TSPEAR: variants seen among roughly 807,000 people sequenced by gnomAD.
TSPEAR encodes thrombospondin-type laminin G domain and EAR repeat-containing protein.
In TSPEAR, 69 loss-of-function variants were observed where a neutral mutation model predicts 71.6. The observed-to-expected ratio is 0.96, with a 90% confidence interval of 0.79 to 1.18. The LOEUF (loss-of-function observed/expected upper bound fraction) is 1.18. Among genes scored for constraint, TSPEAR ranks in the 50% most tolerant of loss-of-function variants. The probability of loss-of-function intolerance (pLI) is 0.00; values close to 1 mark genes in which losing one functional copy is unlikely to be tolerated. For missense variants in TSPEAR, 971 were observed against 894.9 expected (o/e 1.09, Z -1.09); for synonymous variants, 402 against 387.2 (o/e 1.04, Z -0.45).
rs2051988685 is a variant in TSPEAR, at chr21:44,499,699, AC to A, written c.*83del. The A allele has an allele frequency of 5.4e-5, 76 of 1,411,044 alleles. No homozygotes were observed. In the South Asian group the frequency reaches 1.1e-3, roughly 20 times the overall value. 87.4% of individuals were successfully genotyped at this position (1,411,044 alleles called of 1,614,324 possible). A position where few individuals can be genotyped will look rare whatever the true frequency, so the allele number is the denominator to read the frequency against. On this transcript the variant is annotated 3_prime_UTR_variant, in exon 12 of 12. Coordinates refer to ENST00000323084, the MANE Select transcript of TSPEAR (RefSeq NM_144991.3). ...GCCCGGGATGCCCTAGGCTGGGCCC[AC>A]CTGGACGTCCAGGGTCAGTTGGGGG...
At chr21:44,632,299 T>C (rs1246794063) in intron 1 of TSPEAR, among the ~76,000 whole-genome samples, 2 of 152,178 alleles carry the variant, frequency 1.3e-5, no homozygotes, top group East Asian at 3.8e-4. Context: ...CCAATTTCTC[T>C]TCAAAAACCA....
intron 1 of TSPEAR, chr21:44,697,087 C>G: frequency 6.7e-7 from 1 of 1,500,202 alleles, no homozygotes; most frequent in Non-Finnish European, 9.0e-7. Flanking sequence ...TCCCTCCCTC[C>G]TGCCCATCCA....
At chr21:44,535,481 G>A (rs587614661) in intron 2 of TSPEAR, among the ~76,000 whole-genome samples, 79 of 152,364 alleles carry the variant, frequency 5.2e-4, no homozygotes, top group African/African-American at 1.9e-3. Flanking sequence ...GCCAGAGCCT[G>A]TTTCAGTTGA....
At chr21:44,542,565 T>C (rs1408438426) in intron 2 of TSPEAR, among the ~76,000 whole-genome samples, 1 of 151,536 alleles carries the variant, frequency 6.6e-6, no homozygotes, top group Non-Finnish European at 1.5e-5. Context: ...CAGGACAATA[T>C]AGCAAAACCC....
At chr21:44,524,578 A>G (rs1555914694) in intron 8 of TSPEAR, among the ~76,000 whole-genome samples, 3 of 149,966 alleles carry the variant, frequency 2.0e-5, no homozygotes. Flanking sequence ...TAGTCAGTCA[A>G]TCAGTTAGTC....
At chr21:44,555,880 C>T (rs587754799) in intron 2 of TSPEAR, among the ~76,000 whole-genome samples, 1 of 152,316 alleles carries the variant, frequency 6.6e-6, no homozygotes, top group African/African-American at 2.4e-5. Context: ...GTCCTTCTGT[C>T]CTGGAAGCCT....
intron 1 of TSPEAR, among the ~76,000 whole-genome samples, chr21:44,604,768 G>T (rs1303493008): frequency 6.6e-6 from 1 of 152,156 alleles, no homozygotes; most frequent in Non-Finnish European, 1.5e-5. Context: ...TCTCTTCTAT[G>T]TCTATTTTCT....
rs201289628 is a variant in TSPEAR at position 44,647,230 on chromosome 21, G to A, written c.82+64203C>T. The A allele has an allele frequency of 5.1e-5, 82 of 1,605,240 alleles. No homozygotes were observed. The highest frequency in any genetic ancestry group is 6.7e-5 in the Non-Finnish European group (79 of 1,175,268). Reference sequence around the variant, plus strand: ...CTGTGTGCCCGTCTCCTCCTGCTGTGCCCCCACCTCCTCCTGCCAGTCCAG... The same window carrying A: ...CTGTGTGCCCGTCTCCTCCTGCTGTACCCCCACCTCCTCCTGCCAGTCCAG... On this transcript the variant is annotated intron_variant, in intron 1 of 11. Coordinates refer to ENST00000323084, the MANE Select transcript of TSPEAR (RefSeq NM_144991.3).
rs1315363649 is a variant in TSPEAR at position 44,499,932 on chromosome 21, G to C, written c.1861C>G (p.Gln621Glu). The C allele has an allele frequency of 8.7e-6, 14 of 1,604,682 alleles. No individual in the cohort carries two copies. Among genetic ancestry groups the C allele is most frequent in the African/African-American group, 1.3e-5 (1 of 74,394 alleles). The change falls in exon 12 of 12, where the codon CAG becomes GAG. Residue 621 changes from glutamine (Q) to glutamate (E), a missense_variant. Physicochemically the swap from Gln to Glu is conservative, Grantham distance 29. Coordinates refer to ENST00000323084, the MANE Select transcript of TSPEAR (RefSeq NM_144991.3). ...FSVNSIIYRW[Q>E]GYEGFVAVHS... ...ACCGCCACGAAGCCCTCGTAGCCCT[G>C]CCACCTGCGGAACAGACAGCGGCAG...
Position 44,612,680 on chromosome 21 carries a change from C to T in TSPEAR, c.83-44675G>A. The T allele has an allele frequency of 6.2e-7, 1 of 1,614,078 alleles. No homozygotes were observed. The highest frequency in any genetic ancestry group is 1.7e-5 in the Admixed American group (1 of 60,024). On this transcript the variant is annotated intron_variant, in intron 1 of 11. Transcript: ENST00000323084. The surrounding 1 kb of genome is among the most constrained non-coding windows in gnomAD (Gnocchi z 4.1). The stretch of plus-strand genomic sequence containing the variant: ...TCTGTGCTGCCAGAAGTCTAGCTGC[C>T]AGCCGGCTTGCTGCACCACCTCCTG...
At chr21:44,530,399 CCATCCACCCATCCATT>C in intron 4 of TSPEAR, among the ~76,000 whole-genome samples, 2 of 152,136 alleles carry the variant, frequency 1.3e-5, no homozygotes, top group South Asian at 4.2e-4. Context: ...ATCCATCCCT[CCATCCACCCATCCATT>C]CATCCATCCA....
At chr21:44,637,931 T>A in intron 1 of TSPEAR, 1 of 1,613,040 alleles carries the variant, frequency 6.2e-7, no homozygotes, top group Admixed American at 1.7e-5. Context: ...CTGCCAGCAG[T>A]CTAGCTGCCA....
At chr21:44,533,451 G>A (rs1425557748) in intron 3 of TSPEAR, among the ~76,000 whole-genome samples, 1 of 149,610 alleles carries the variant, frequency 6.7e-6, no homozygotes, top group Non-Finnish European at 1.5e-5. Flanking sequence ...GCCCCTGGTC[G>A]GCTCCTGCCT....
rs768451367 is a variant in TSPEAR, at chr21:44,620,198, A to C, written c.83-52193T>G. ...GGCACAGGGGTGGGGAGCACCCAAC[A>C]ACCAAAAAGACGTCTTCATCTGGCA... On this transcript the variant is annotated intron_variant, in intron 1 of 11. Coordinates refer to ENST00000323084, the MANE Select transcript of TSPEAR (RefSeq NM_144991.3). 1.2e-3 allele frequency among the ~76,000 whole-genome samples: 184 copies of C among 152,368 alleles called. 1 individual carries two copies. Among genetic ancestry groups the C allele is most frequent in the Non-Finnish European group, 2.4e-3 (163 of 68,032 alleles).
intron 1 of TSPEAR, among the ~76,000 whole-genome samples, chr21:44,597,591 C>G (rs1333114345): frequency 6.6e-6 from 1 of 152,040 alleles, no homozygotes; most frequent in Non-Finnish European, 1.5e-5. Flanking sequence ...CACCACCATG[C>G]CCGGCTAATT....
intron 1 of TSPEAR, among the ~76,000 whole-genome samples, chr21:44,654,812 C>T (rs1985039584): frequency 6.6e-6 from 1 of 151,090 alleles, no homozygotes; most frequent in African/African-American, 2.4e-5. Flanking sequence ...GTTCAGGAAA[C>T]TCTTTCAGCT....
chr21:44,626,044 C>T (rs1555934243), intron 1 of TSPEAR, among the ~76,000 whole-genome samples: 8 of 152,294 alleles, frequency 5.3e-5, no homozygotes, highest in Non-Finnish European at 1.5e-5. Flanking sequence ...AGAATGTTAG[C>T]ATTATTTTTA....
chr21:44,538,948 A>G (rs1260741618), intron 2 of TSPEAR: 4 of 436,520 alleles, frequency 9.2e-6, no homozygotes, highest in African/African-American at 3.9e-5. Flanking sequence ...GCTCAAAACC[A>G]TGTGTCCCCC....
Position 44,533,405 on chromosome 21 carries a change from G to A in TSPEAR, c.542+280C>T, listed in dbSNP as rs57647031. Among the ~76,000 whole-genome samples the A allele has an allele frequency of 0.02, 3,036 of 151,780 alleles. 85 individuals are homozygous for A. The highest frequency in any genetic ancestry group is 0.058 in the African/African-American group (2,388 of 41,410). ...TTGCCCCCTGGTCGGCTCCTGCCCCGTGGATGGCTCCTGCCCCTCCACCCC... is the reference window on the plus strand; with the variant it reads ...TTGCCCCCTGGTCGGCTCCTGCCCCATGGATGGCTCCTGCCCCTCCACCCC... On this transcript the variant is annotated intron_variant, in intron 3 of 11. Coordinates refer to ENST00000323084, the MANE Select transcript of TSPEAR (RefSeq NM_144991.3).
Sources: gnomAD v4.1 joint callset for allele counts (sites outside exome capture counted in the v4.1 genomes callset) on GRCh38, gnomAD v4.1.1 for gene constraint, Gnocchi (gnomAD v3.1) non-coding constraint, MANE v1.5 for transcripts, NCBI Gene and HGNC (gene_info 2026-07-23, HGNC 2026-07-21) for gene names.